Variants in DIAPH2 observed in about 807,000 individuals in gnomAD.
DIAPH2 encodes the protein protein diaphanous homolog 2.
DIAPH2 carries 35 observed loss-of-function variants against 92.7 expected under a neutral mutation model. That is an observed-to-expected ratio of 0.38 (90% CI 0.29 to 0.50). DIAPH2 has a LOEUF of 0.50. Among genes scored for constraint, DIAPH2 ranks in the 20% least tolerant of loss-of-function variants. The pLI is 0.94. For missense variants in DIAPH2, 701 were observed against 819.5 expected (o/e 0.86, Z 1.77); for synonymous variants, 301 against 280.4 (o/e 1.07, Z -0.73).
At chrX:96,950,200 G>C (rs895431818) in intron 15 of DIAPH2, among the ~76,000 whole-genome samples, 2 of 110,069 alleles carry the variant, frequency 1.8e-5, no homozygotes, top group African/African-American at 3.3e-5. Flanking sequence ...ACAATATTCT[G>C]TCCTCTGCTC....
chrX:97,509,436 CTTT>C (rs58597380), intron 26 of DIAPH2, among the ~76,000 whole-genome samples: 1 of 40,365 alleles, frequency 2.5e-5, no homozygotes. Flanking sequence ...CCTGTGTGTT[CTTT>C]TTTTTTTTTT....
At chrX:97,425,438 T>C (rs1303417771) in intron 25 of DIAPH2, among the ~76,000 whole-genome samples, 3 of 111,511 alleles carry the variant, frequency 2.7e-5, no homozygotes. Flanking sequence ...TGGTGACATA[T>C]GTTAAACAGC....
At chrX:96,788,026 A>C (rs1408380640) in intron 4 of DIAPH2, among the ~76,000 whole-genome samples, 1 of 110,046 alleles carries the variant, frequency 9.1e-6, no homozygotes, top group Non-Finnish European at 1.9e-5. Flanking sequence ...ATTAGTTTTA[A>C]AGGATATTTT....
intron 22 of DIAPH2, among the ~76,000 whole-genome samples, chrX:97,239,939 G>A (rs1249917872): frequency 2.7e-5 from 3 of 109,434 alleles, no homozygotes; most frequent in Non-Finnish European, 5.7e-5. Flanking sequence ...AGTAGTGTAG[G>A]CAAAGACCTA....
At chrX:96,696,678 T>G (rs1449357778) in intron 1 of DIAPH2, among the ~76,000 whole-genome samples, 1 of 112,076 alleles carries the variant, frequency 8.9e-6, no homozygotes, top group Non-Finnish European at 1.9e-5. Flanking sequence ...TGCGTCATCC[T>G]GATTCTTGGG....
intron 22 of DIAPH2, among the ~76,000 whole-genome samples, chrX:97,158,120 A>C (rs758075609): frequency 8.9e-6 from 1 of 111,845 alleles, no homozygotes; most frequent in Non-Finnish European, 1.9e-5. Flanking sequence ...TCTTCATTCT[A>C]TTGCCTTAGT....
intron 25 of DIAPH2, among the ~76,000 whole-genome samples, chrX:97,423,581 A>G (rs1267107359): frequency 9.0e-6 from 1 of 111,608 alleles, no homozygotes; most frequent in Non-Finnish European, 1.9e-5. Context: ...AGAAGGTACA[A>G]CCCATACCTT....
At chrX:96,881,118 A>G (rs1252870922) in intron 4 of DIAPH2, among the ~76,000 whole-genome samples, 2 of 111,430 alleles carry the variant, frequency 1.8e-5, no homozygotes, top group African/African-American at 6.5e-5. Context: ...AGAAAGGCTG[A>G]TACTCTGATA....
At chrX:97,266,154 A>T (rs1040094151) in intron 23 of DIAPH2, among the ~76,000 whole-genome samples, 5 of 111,643 alleles carry the variant, frequency 4.5e-5, no homozygotes, top group Non-Finnish European at 9.4e-5. Flanking sequence ...TACATTTCTC[A>T]AATAATATAG....
chrX:97,392,152 A>G (rs1322558593), intron 25 of DIAPH2, among the ~76,000 whole-genome samples: 1 of 112,026 alleles, frequency 8.9e-6, no homozygotes, highest in Non-Finnish European at 1.9e-5. Flanking sequence ...TTTATGACCT[A>G]GTTCTGTTGC....
chrX:96,958,065 A>G lies in DIAPH2; in HGVS notation c.1852A>G (p.Ile618Val), dbSNP rs748369743. Residue 618 changes from isoleucine (I) to valine (V), a missense_variant, in exon 16 of 27, where the codon ATA (isoleucine) becomes GTA (valine). Coordinates refer to ENST00000324765, the MANE Select transcript of DIAPH2 (RefSeq NM_006729.5). ...PLGGVPPPPG[I>V]SLNLPYGMKQ... The stretch of plus-strand genomic sequence containing the variant: ...TGGAGGAGTTCCTCCTCCCCCAGGA[A>G]TATCACTTAATCTACCTTATGGAAT... 10 of 1,211,818 alleles carry G rather than the reference A, an allele frequency of 8.3e-6. No homozygotes were observed. In the South Asian group the frequency reaches 1.4e-4, roughly 17 times the overall value.
At chrX:97,484,851 A>T (rs2070676557) in intron 26 of DIAPH2, among the ~76,000 whole-genome samples, 1 of 111,792 alleles carries the variant, frequency 8.9e-6, no homozygotes, top group Non-Finnish European at 1.9e-5. Context: ...GAGCGATATC[A>T]CGCCACTGCA....
chrX:96,765,142 CT>C (rs962586947), intron 4 of DIAPH2, among the ~76,000 whole-genome samples: 2 of 109,862 alleles, frequency 1.8e-5, no homozygotes, highest in Non-Finnish European at 3.8e-5. Context: ...TTTCAGTTAC[CT>C]GAGGTGCAGC....
intron 5 of DIAPH2, among the ~76,000 whole-genome samples, chrX:96,900,930 T>C (rs1602612866): frequency 8.9e-6 from 1 of 111,924 alleles, no homozygotes; most frequent in South Asian, 3.7e-4. Context: ...TTTTCTTTTT[T>C]GTTACGTCCT....
At chrX:97,540,002 A>C (rs759075991) in intron 26 of DIAPH2, among the ~76,000 whole-genome samples, 1 of 112,133 alleles carries the variant, frequency 8.9e-6, no homozygotes, top group South Asian at 3.7e-4. Context: ...AAATGAGCAA[A>C]GAAATGCCAC....
intron 5 of DIAPH2, among the ~76,000 whole-genome samples, chrX:96,907,297 A>G (rs993477682): frequency 1.8e-5 from 2 of 112,207 alleles, no homozygotes; most frequent in African/African-American, 6.5e-5. Flanking sequence ...TATGATGCTC[A>G]GGACTTTACT....
intron 23 of DIAPH2, among the ~76,000 whole-genome samples, chrX:97,287,952 C>CAAAAA (rs748309881): frequency 2.3e-4 from 9 of 39,787 alleles, no homozygotes; most frequent in Non-Finnish European, 3.7e-4. Flanking sequence ...GACTCTGTCT[C>CAAAAA]AAAAAAAAAA....
chrX:97,412,889 C>A (rs1248750377), intron 25 of DIAPH2, among the ~76,000 whole-genome samples: 1 of 111,828 alleles, frequency 8.9e-6, no homozygotes, highest in Admixed American at 9.4e-5. Context: ...CAATAACAGG[C>A]TCTGAAATTG....
chrX:97,573,357 A>T (rs1358362551), intron 26 of DIAPH2, among the ~76,000 whole-genome samples: 1 of 111,350 alleles, frequency 9.0e-6, no homozygotes, highest in African/African-American at 3.3e-5. Context: ...ATTTTTTGTG[A>T]TGTGTTAACT....
Sources: allele counts gnomAD v4.1 joint callset (sites outside exome capture counted in the v4.1 genomes callset), GRCh38; gene constraint gnomAD v4.1.1; transcripts MANE v1.5; gene names NCBI Gene and HGNC (gene_info 2026-07-23, HGNC 2026-07-21).